The following TFEC variants were observed in gnomAD, a reference collection of about 807,000 sequenced individuals.
TFEC encodes the protein transcription factor EC, also known as class E basic helix-loop-helix protein 34.
A neutral mutation model predicts 41.6 loss-of-function variants in TFEC; 31 were observed. The observed-to-expected ratio is 0.74, with a 90% CI of 0.56 to 1.01. The LOEUF is 1.01. Among genes scored for constraint, TFEC ranks in the 50% least tolerant of loss-of-function variants. TFEC has a pLI of 0.00. For synonymous variants in TFEC, 143 were observed against 140.6 expected (o/e 1.02, Z -0.12); for missense variants, 402 against 404.1 (o/e 0.99, Z 0.04).
At chr7:115,971,423 T>C (rs963918524) in intron 3 of TFEC, among the ~76,000 whole-genome samples, 3 of 151,928 alleles carry the variant, frequency 2.0e-5, no homozygotes, top group African/African-American at 7.2e-5. Flanking sequence ...CAGGGGCATA[T>C]AAGCAGCATT....
intron 3 of TFEC, among the ~76,000 whole-genome samples, chr7:116,059,672 T>C (rs1197060935): frequency 6.6e-6 from 1 of 152,068 alleles, no homozygotes; most frequent in Non-Finnish European, 1.5e-5. Flanking sequence ...AAGACAGGGC[T>C]GGTTTAACAT....
Position 115,939,925 on chromosome 7 carries a change from AG to A in TFEC, c.*625del, listed in dbSNP as rs1793403453. 1 of 152,080 alleles carries A rather than the reference AG, an allele frequency of 6.6e-6. No individual in the cohort carries two copies. Among genetic ancestry groups the A allele is most frequent in the South Asian group, 2.1e-4 (1 of 4,830 alleles). 9.4% of individuals were successfully genotyped at this position (152,080 alleles called of 1,614,324 possible). ...TAATTGAACCAACTACAATAAAATG[AG>A]GATCTAATTTTAGTAACCAATGTTT... On this transcript the variant is annotated 3_prime_UTR_variant, in exon 8 of 8. Transcript: ENST00000265440.
chr7:115,978,298 C>T (rs1048344695), intron 2 of TFEC, among the ~76,000 whole-genome samples: 1 of 151,948 alleles, frequency 6.6e-6, no homozygotes, highest in East Asian at 1.9e-4. Flanking sequence ...AAAAATAATA[C>T]CAAGTGATCA....
At chr7:116,001,006 C>G (rs1017378906) in intron 1 of TFEC, among the ~76,000 whole-genome samples, 3 of 151,576 alleles carry the variant, frequency 2.0e-5, no homozygotes, top group African/African-American at 7.3e-5. Context: ...ATATCCAAAG[C>G]TATCCAGAGC....
chr7:116,123,661 A>T (rs1029627026), intron 1 of TFEC, among the ~76,000 whole-genome samples: 9 of 151,988 alleles, frequency 5.9e-5, no homozygotes, highest in Non-Finnish European at 2.9e-5. Flanking sequence ...GCTTCACCAC[A>T]CTCAAATCTC....
chr7:116,143,667 G>A (rs567291993), intron 1 of TFEC, among the ~76,000 whole-genome samples: 19 of 152,132 alleles, frequency 1.2e-4, no homozygotes, highest in Non-Finnish European at 2.4e-4. Context: ...AGGGAACTGC[G>A]GGATCCTAGC....
intron 3 of TFEC, among the ~76,000 whole-genome samples, chr7:116,104,911 G>A (rs1797681447): frequency 6.6e-6 from 1 of 152,158 alleles, no homozygotes; most frequent in Admixed American, 6.5e-5. Context: ...ACTAGAAAAT[G>A]AGATCTAAAC....
intron 1 of TFEC, among the ~76,000 whole-genome samples, chr7:116,012,028 G>A (rs1196609727): frequency 6.6e-6 from 1 of 152,066 alleles, no homozygotes; most frequent in African/African-American, 2.4e-5. Flanking sequence ...CCCAGCCTTA[G>A]GTATTCCTTT....
intron 3 of TFEC, among the ~76,000 whole-genome samples, chr7:116,098,816 C>A (rs184621051): frequency 7.3e-4 from 106 of 145,274 alleles, no homozygotes; most frequent in East Asian, 4.5e-3. Context: ...ATACCAAAAC[C>A]AGACAAAAAC....
In TFEC at chr7:116,159,508, A is replaced by G. The variant is rs566169243; in HGVS notation, c.-69+282T>C. Among the ~76,000 whole-genome samples the G allele has an allele frequency of 3.9e-5, 6 of 152,212 alleles. No homozygotes were observed. The South Asian group carries it at 1.2e-3, about 32-fold the overall frequency. The stretch of plus-strand genomic sequence containing the variant: ...CCATTTTGCACAGTCCAAAAAGAGT[A>G]ACATTTAGAAGTCTCACAAAGCAGT... On this transcript the variant is annotated intron_variant, in intron 1 of 8. Transcript: ENST00000484212.
At chr7:116,121,429 T>A (rs1798105532) in intron 1 of TFEC, 1 of 151,984 alleles carries the variant, frequency 6.6e-6, no homozygotes, top group African/African-American at 2.4e-5. Flanking sequence ...GAGTACCTGC[T>A]AATGGACACG....
chr7:116,023,301 T>C (rs554515463), intron 1 of TFEC, among the ~76,000 whole-genome samples: 2 of 152,218 alleles, frequency 1.3e-5, no homozygotes, highest in South Asian at 4.1e-4. Context: ...ATAAGACTCA[T>C]GTATTCCAAA....
intron 1 of TFEC, among the ~76,000 whole-genome samples, chr7:116,014,806 A>T (rs1207525557): frequency 1.3e-5 from 2 of 152,108 alleles, no homozygotes; most frequent in African/African-American, 4.8e-5. Context: ...ACCAGAATCA[A>T]ACAGAAGGTG....
chr7:115,948,859 CAGG>C (rs1201528581), intron 6 of TFEC, among the ~76,000 whole-genome samples: 1 of 149,486 alleles, frequency 6.7e-6, no homozygotes, highest in East Asian at 2.0e-4. Context: ...GGCAATTAGG[CAGG>C]AGAAGGAAAT....
intron 2 of TFEC, among the ~76,000 whole-genome samples, chr7:115,980,680 G>A (rs62477242): frequency 0.14 from 20,813 of 152,038 alleles, 1,920 homozygotes; most frequent in Non-Finnish European, 0.21. Flanking sequence ...AACCCAGGTG[G>A]TGGAAGTTAC....
At chr7:115,977,682 CTAAG>C (rs1308457221) in intron 2 of TFEC, among the ~76,000 whole-genome samples, 1 of 151,788 alleles carries the variant, frequency 6.6e-6, no homozygotes, top group African/African-American at 2.4e-5. Flanking sequence ...TGTTTGTGAT[CTAAG>C]TAACTCTAGA....
upstream of TFEC, among the ~76,000 whole-genome samples, chr7:116,033,273 A>C (rs1562944658): frequency 6.6e-6 from 1 of 152,090 alleles, no homozygotes; most frequent in Non-Finnish European, 1.5e-5. Flanking sequence ...GAATTTGGTT[A>C]AGAGTCAGAC....
intron 6 of TFEC, among the ~76,000 whole-genome samples, chr7:115,946,357 G>C (rs1163726228): frequency 2.0e-5 from 3 of 149,968 alleles, no homozygotes; most frequent in African/African-American, 7.3e-5. Context: ...AGCAAATTCG[G>C]ATTTAGAGAA....
chr7:115,998,715 A>G (rs933403102), intron 1 of TFEC, among the ~76,000 whole-genome samples: 2 of 152,070 alleles, frequency 1.3e-5, no homozygotes, highest in African/African-American at 4.8e-5. Context: ...TCAAGAAAAA[A>G]GGTGTAAGAA....
Sources: allele counts gnomAD v4.1 joint callset (sites outside exome capture counted in the v4.1 genomes callset), GRCh38; gene constraint gnomAD v4.1.1; transcripts MANE v1.5; gene names NCBI Gene and HGNC (gene_info 2026-07-23, HGNC 2026-07-21).